CELF2: variants seen among roughly 807,000 people sequenced by gnomAD.
CELF2 encodes the protein CUGBP Elav-like family member 2.
In CELF2, 8 loss-of-function variants were observed where a neutral mutation model predicts 62.6. The ratio of observed to expected loss-of-function variants is 0.13; its 90% confidence interval spans 0.07 to 0.23. The LOEUF is 0.23. Among genes scored for constraint, CELF2 ranks in the 10% least tolerant of loss-of-function variants. The probability of loss-of-function intolerance (pLI) is 1.00; values close to 1 mark genes in which losing one functional copy is unlikely to be tolerated. For synonymous variants in CELF2, 258 were observed against 250.0 expected (o/e 1.03, Z -0.30); for missense variants, 333 against 671.0 (o/e 0.50, Z 5.56).
intron 9 of CELF2, among the ~76,000 whole-genome samples, chr10:11,291,228 C>T (rs1036471598): frequency 4.6e-5 from 7 of 152,180 alleles, no homozygotes; most frequent in Admixed American, 3.3e-4. Flanking sequence ...CAGACAAATT[C>T]ATCTGGAAAG....
the CELF2 span, among the ~76,000 whole-genome samples, chr10:10,489,084 GCC>G: frequency 6.6e-6 from 1 of 151,976 alleles, no homozygotes; most frequent in East Asian, 1.9e-4. Flanking sequence ...CAAACACCCA[GCC>G]CTGTAAAGTG....
At chr10:11,066,166 A>G (rs2068101151) in intron 1 of CELF2, among the ~76,000 whole-genome samples, 1 of 152,166 alleles carries the variant, frequency 6.6e-6, no homozygotes, top group Non-Finnish European at 1.5e-5. Flanking sequence ...GTAAAGCTTT[A>G]AAGGGATTTG....
intron 4 of CELF2, 152 bp from the exon 5 acceptor site, chr10:11,257,586 G>A (rs1158227389): frequency 2.8e-6 from 2 of 713,642 alleles, no homozygotes; most frequent in Admixed American, 2.7e-5. Context: ...GGCGCATGGA[G>A]GGAGGAGGAC....
chr10:10,953,718 C>T (rs942104235), intron 2 of CELF2, among the ~76,000 whole-genome samples: 3 of 151,820 alleles, frequency 2.0e-5, no homozygotes, highest in African/African-American at 7.3e-5. Flanking sequence ...TCAGACAAAA[C>T]CCAAAAGCCG....
intron 1 of CELF2, among the ~76,000 whole-genome samples, chr10:10,847,068 G>T (rs1284614790): frequency 6.6e-6 from 1 of 152,018 alleles, no homozygotes; most frequent in Non-Finnish European, 1.5e-5. Flanking sequence ...TGAAGAGGGT[G>T]TTGTAAAGTA....
chr10:10,506,222 C>CT, the CELF2 span, among the ~76,000 whole-genome samples: 35 of 150,226 alleles, frequency 2.3e-4, 1 homozygote, highest in Admixed American at 8.7e-4. Context: ...GAGTCTCATG[C>CT]TTTTTTTTGT....
the CELF2 span, among the ~76,000 whole-genome samples, chr10:10,553,102 T>C: frequency 3.3e-5 from 5 of 152,182 alleles, no homozygotes; most frequent in African/African-American, 1.2e-4. Context: ...TGACTCACCG[T>C]TCTGCAGGGC....
the CELF2 span, among the ~76,000 whole-genome samples, chr10:10,562,925 A>T: frequency 7.1e-6 from 1 of 141,570 alleles, no homozygotes; most frequent in African/African-American, 2.8e-5. Context: ...AGTCTAAGGC[A>T]TTTTTTTTTT....
At chr10:11,101,940 A>T (rs2051795445) in intron 1 of CELF2, among the ~76,000 whole-genome samples, 1 of 152,254 alleles carries the variant, frequency 6.6e-6, no homozygotes, top group South Asian at 2.1e-4. Context: ...GGGAGAAAGC[A>T]TCAAACTCCC....
At chr10:10,969,238 C>T (rs568242734) in intron 2 of CELF2, among the ~76,000 whole-genome samples, 34 of 152,076 alleles carry the variant, frequency 2.2e-4, no homozygotes, top group Non-Finnish European at 4.9e-4. Context: ...GCCTGGGCAA[C>T]AGAGCAAGAC....
chr10:11,284,709 G>T (rs538316782), intron 8 of CELF2, among the ~76,000 whole-genome samples: 23 of 150,608 alleles, frequency 1.5e-4, no homozygotes, highest in South Asian at 2.1e-4. Flanking sequence ...ATGATGGATG[G>T]ATGGGTGAGA....
chr10:10,488,146 A>G, the CELF2 span, among the ~76,000 whole-genome samples: 516 of 152,256 alleles, frequency 3.4e-3, 3 homozygotes, highest in African/African-American at 0.012. Context: ...TTGATTTATA[A>G]TTTATTTTGA....
intron 1 of CELF2, among the ~76,000 whole-genome samples, chr10:11,144,018 C>A (rs1596080168): frequency 6.6e-6 from 1 of 152,250 alleles, no homozygotes; most frequent in East Asian, 1.9e-4. Context: ...GGCATTTCTG[C>A]AGTTAATGCT....
At chr10:10,518,710 C>T in the CELF2 span, among the ~76,000 whole-genome samples, 2 of 127,984 alleles carry the variant, frequency 1.6e-5, no homozygotes, top group South Asian at 5.4e-4. Context: ...TAACATACCA[C>T]AAAATGATTT....
At chr10:10,464,104 T>A in the CELF2 span, among the ~76,000 whole-genome samples, 1 of 152,128 alleles carries the variant, frequency 6.6e-6, no homozygotes, top group Admixed American at 6.6e-5. Flanking sequence ...ATTTAACAGC[T>A]CTGAACCATG....
chr10:10,589,048 G>A, the CELF2 span, among the ~76,000 whole-genome samples: 4 of 152,200 alleles, frequency 2.6e-5, no homozygotes, highest in African/African-American at 9.6e-5. Flanking sequence ...TGTGCCCAAG[G>A]TGCTCAGGCT....
chr10:11,153,140 A>G (rs2063648629), intron 1 of CELF2, among the ~76,000 whole-genome samples: 1 of 152,204 alleles, frequency 6.6e-6, no homozygotes, highest in African/African-American at 2.4e-5. Context: ...GAAACTGGCA[A>G]TTTAATTTTT....
the CELF2 span, among the ~76,000 whole-genome samples, chr10:10,543,699 T>C: frequency 6.6e-6 from 1 of 151,828 alleles, no homozygotes; most frequent in Non-Finnish European, 1.5e-5. Flanking sequence ...ATACAAAACT[T>C]AGCTGGGTGA....
the CELF2 span, among the ~76,000 whole-genome samples, chr10:10,585,777 C>T: frequency 2.6e-5 from 4 of 152,072 alleles, no homozygotes; most frequent in Non-Finnish European, 4.4e-5. Context: ...GGAAGGATCC[C>T]AATACATTTC....
Sources: gnomAD v4.1 joint callset for allele counts (sites outside exome capture counted in the v4.1 genomes callset) on GRCh38, gnomAD v4.1.1 for gene constraint, MANE v1.5 for transcripts, NCBI Gene and HGNC (gene_info 2026-07-23, HGNC 2026-07-21) for gene names.